SCAF11: variants seen among roughly 807,000 people sequenced by gnomAD.
The protein encoded by SCAF11 is SR-related CTD associated factor 11, also known as protein SCAF11.
Under a neutral mutation model 140.5 loss-of-function variants are expected in SCAF11, and 47 were observed. The ratio of observed to expected loss-of-function variants is 0.33; its 90% CI spans 0.26 to 0.43. The LOEUF is 0.43. Ranked by LOEUF, SCAF11 falls within the 20% of genes least tolerant of loss-of-function variation. SCAF11 has a pLI of 1.00. For missense variants in SCAF11, 1,645 were observed against 1,705.1 expected (o/e 0.96, Z 0.62); for synonymous variants, 557 against 579.4 (o/e 0.96, Z 0.55).
At chr12:45,961,528 TA>T in intron 3 of SCAF11, 171 bp downstream of exon 3, 1 of 612,004 alleles carries the variant, frequency 1.6e-6, no homozygotes. Flanking sequence ...CAAAGCCTGA[TA>T]AAAGAAAATT....
chr12:45,970,281 C>T (rs1946043862), intron 1 of SCAF11, among the ~76,000 whole-genome samples: 2 of 152,230 alleles, frequency 1.3e-5, no homozygotes, highest in Admixed American at 6.5e-5. Context: ...ATCTTCCCAC[C>T]TTGGTCTCCT....
At chr12:45,971,650 G>C (rs1358187662) in intron 1 of SCAF11, among the ~76,000 whole-genome samples, 1 of 152,110 alleles carries the variant, frequency 6.6e-6, no homozygotes, top group African/African-American at 2.4e-5. Context: ...GGGGAGGGGA[G>C]CTGGGGGTAA....
intron 3 of SCAF11, among the ~76,000 whole-genome samples, chr12:45,957,764 T>C (rs768548287): frequency 1.3e-5 from 2 of 152,176 alleles, no homozygotes; most frequent in Non-Finnish European, 2.9e-5. Context: ...TCATCACATA[T>C]ACTGCAGGTT....
In SCAF11 at chr12:45,924,968, T is replaced by A. The variant is rs769188829; in HGVS notation, c.3666A>T (p.Gln1222His). Reference sequence around the variant, plus strand: ...ATGGGAAGATATTCATAGGCTGGTGTTGTGCATTCATTTGTTGCTGCATTA... The same window carrying A: ...ATGGGAAGATATTCATAGGCTGGTGATGTGCATTCATTTGTTGCTGCATTA... ...MNVMQQQMNA[Q>H]HQPMNIFPYP... is the part of the protein sequence containing the mutation. The change falls in exon 12 of 15, where the codon CAA (glutamine) becomes CAT (histidine). Residue 1222 changes from glutamine to histidine, a missense_variant. Transcript: ENST00000369367. 6.2e-7 allele frequency: 1 copy of A among 1,614,116 alleles called. No individual in the cohort carries two copies. Among genetic ancestry groups the A allele is most frequent in the African/African-American group, 1.3e-5 (1 of 74,936 alleles).
chr12:45,930,118 C>T (rs889226584), intron 10 of SCAF11, among the ~76,000 whole-genome samples: 8 of 152,128 alleles, frequency 5.3e-5, no homozygotes, highest in African/African-American at 1.9e-4. Flanking sequence ...TATTGATACC[C>T]TAAGTTTATA....
chr12:45,947,577 T>C (rs968942516), intron 5 of SCAF11, among the ~76,000 whole-genome samples: 3 of 152,230 alleles, frequency 2.0e-5, no homozygotes, highest in Non-Finnish European at 4.4e-5. Context: ...ATAAGTAACT[T>C]GATCAGTGCT....
In SCAF11 at chr12:45,926,124, C is replaced by CAGTAT; in HGVS notation, c.3559+17_3559+18insATACT. On this transcript the variant is annotated intron_variant, in intron 11 of 14. Coordinates refer to ENST00000369367, the MANE Select transcript of SCAF11 (RefSeq NM_004719.3). ...CTTCAAATAAAACAGTATCAATAAA[C>CAGTAT]CAACAAGAATACATTACCCTGTCCA... 6.4e-7 allele frequency: 1 copy of CAGTAT among 1,560,452 alleles called. No individual in the cohort carries two copies. Among genetic ancestry groups the CAGTAT allele is most frequent in the Non-Finnish European group, 8.7e-7 (1 of 1,152,404 alleles).
intron 1 of SCAF11, among the ~76,000 whole-genome samples, chr12:45,988,527 C>G (rs1946514167): frequency 6.6e-6 from 1 of 152,148 alleles, no homozygotes; most frequent in Admixed American, 6.5e-5. Flanking sequence ...AGCTAAGTAA[C>G]TCCTGAAAAG....
chr12:45,930,456 G>GTTTTTTTTTTT (rs35174436), intron 10 of SCAF11, among the ~76,000 whole-genome samples: 6 of 130,676 alleles, frequency 4.6e-5, no homozygotes, highest in Non-Finnish European at 6.6e-5. Flanking sequence ...TTTTTTTTTT[G>GTTTTTTTTTTT]TTTTTTTTTT....
rs1945551346 is a variant in SCAF11 at position 45,951,630 on chromosome 12, T to G, written c.297+20A>C. 1.4e-6 allele frequency: 2 copies of G among 1,465,290 alleles called. No individual in the cohort carries two copies. The highest frequency in any genetic ancestry group is 1.9e-6 in the Non-Finnish European group (2 of 1,071,032). The allele number at this position is 1,465,290 out of a possible 1,614,324, so 90.8% of individuals were successfully genotyped here. A position where few individuals can be genotyped will look rare whatever the true frequency, so the allele number is the denominator to read the frequency against. ...CAATTAATTTTTATATAATTCATGT[T>G]GCAGAATAAAAAGACTTACCTTAAC... is the stretch of plus-strand genomic sequence containing the variant. On this transcript the variant is annotated intron_variant, in intron 4 of 14. Transcript: ENST00000369367.
In SCAF11 at chr12:45,925,092, G is replaced by A. The variant is rs772353129; in HGVS notation, c.3560-18C>T. ...GCTAGAATCTATCAAAAGAAAAAAA[G>A]CTTGTGAAAAAAATCATGTTATAAA... On this transcript the variant is annotated intron_variant, in intron 11 of 14. Coordinates refer to ENST00000369367, the MANE Select transcript of SCAF11 (RefSeq NM_004719.3). The A allele has an allele frequency of 1.3e-6, 2 of 1,570,232 alleles. No homozygotes were observed. The highest frequency in any genetic ancestry group is 1.7e-6 in the Non-Finnish European group (2 of 1,155,564).
intron 6 of SCAF11, among the ~76,000 whole-genome samples, chr12:45,938,251 A>G (rs1469444520): frequency 6.6e-6 from 1 of 152,198 alleles, no homozygotes; most frequent in Non-Finnish European, 1.5e-5. Context: ...GCACTCTGGG[A>G]GGCCGAGGTT....
chr12:45,982,236 C>T (rs1946365238), intron 1 of SCAF11, among the ~76,000 whole-genome samples: 1 of 152,136 alleles, frequency 6.6e-6, no homozygotes, highest in Non-Finnish European at 1.5e-5. Flanking sequence ...TGACCTATTA[C>T]ATTAAAACTG....
chr12:45,945,625 C>G lies in SCAF11; in HGVS notation c.399-312G>C, dbSNP rs553322503. The stretch of plus-strand genomic sequence containing the variant: ...AATCACGGCTTACTGCAGTCTTGAC[C>G]TCCTGGGCAGAAGCAATCCTCCCAG... On this transcript the variant is annotated intron_variant, in intron 5 of 14. Coordinates refer to ENST00000369367, the MANE Select transcript of SCAF11 (RefSeq NM_004719.3). Among the ~76,000 whole-genome samples, 5 of 151,028 alleles carry G rather than the reference C, an allele frequency of 3.3e-5. No homozygotes were observed. The East Asian group carries it at 9.8e-4, about 29-fold the overall frequency.
upstream of SCAF11, chr12:45,991,899 C>T: frequency 2.3e-6 from 3 of 1,287,146 alleles, no homozygotes; most frequent in Non-Finnish European, 3.0e-6. Flanking sequence ...GTCCCAGTCG[C>T]TTTCAGCCGC....
At chr12:45,972,899 T>G (rs867987826) in intron 1 of SCAF11, among the ~76,000 whole-genome samples, 3 of 64,656 alleles carry the variant, frequency 4.6e-5, no homozygotes, top group African/African-American at 1.2e-4. Context: ...TATAGATATA[T>G]ATATATATAG....
Position 45,919,452 on chromosome 12 carries a change from T to G in SCAF11, c.*2596A>C, listed in dbSNP as rs1232050621. 6.6e-6 allele frequency: 1 copy of G among 152,608 alleles called. No homozygotes were observed. Among genetic ancestry groups the G allele is most frequent in the East Asian group, 1.9e-4 (1 of 5,196 alleles). The allele number at this position is 152,608 out of a possible 1,614,324, so 9.5% of individuals were successfully genotyped here. A position where few individuals can be genotyped will look rare whatever the true frequency, so the allele number is the denominator to read the frequency against. ...GGCATTTCTATAAAACATTGGTCAA[T>G]GTGACTAGTAAGTTAACGGGACCAA... On this transcript the variant is annotated 3_prime_UTR_variant, in exon 15 of 15. Coordinates refer to ENST00000369367, the MANE Select transcript of SCAF11 (RefSeq NM_004719.3).
At chr12:45,924,219 T>C (rs556839621) in intron 12 of SCAF11, among the ~76,000 whole-genome samples, 1 of 152,366 alleles carries the variant, frequency 6.6e-6, no homozygotes, top group African/African-American at 2.4e-5. Context: ...ATTTTCTATG[T>C]CTCACAGAGG....
At chr12:45,952,268 G>T (rs1945567662) in intron 3 of SCAF11, among the ~76,000 whole-genome samples, 1 of 152,124 alleles carries the variant, frequency 6.6e-6, no homozygotes, top group African/African-American at 2.4e-5. Flanking sequence ...ACCTTTTGTG[G>T]ATATCCATTG....
Sources: gnomAD v4.1 joint callset for allele counts (sites outside exome capture counted in the v4.1 genomes callset) on GRCh38, gnomAD v4.1.1 for gene constraint, MANE v1.5 for transcripts, NCBI Gene and HGNC (gene_info 2026-07-23, HGNC 2026-07-21) for gene names.